Variants in PCDHA3 observed in about 807,000 individuals in gnomAD.
PCDHA3 encodes protocadherin alpha-3.
A neutral mutation model predicts 62.2 loss-of-function variants in PCDHA3; 41 were observed. The ratio of observed to expected loss-of-function variants is 0.66; its 90% CI spans 0.51 to 0.86. PCDHA3 has a LOEUF of 0.86. Among genes scored for constraint, PCDHA3 ranks in the 40% least tolerant of loss-of-function variants. PCDHA3 has a pLI of 0.00. For synonymous variants in PCDHA3, 640 were observed against 555.4 expected, an observed-to-expected ratio of 1.15 and a Z score of -2.14; for missense variants, 1,304 against 1,241.2, an observed-to-expected ratio of 1.05 and a Z score of -0.76.
intron 1 of PCDHA3, among the ~76,000 whole-genome samples, chr5:140,935,731 T>C (rs923257790): frequency 2.6e-5 from 4 of 152,202 alleles, no homozygotes; most frequent in Non-Finnish European, 4.4e-5. Context: ...AGAAGTCTAG[T>C]ATCTATTATT....
intron 1 of PCDHA3, among the ~76,000 whole-genome samples, chr5:140,879,426 G>T (rs2057986144): frequency 6.6e-6 from 1 of 152,302 alleles, no homozygotes; most frequent in South Asian, 2.1e-4. Flanking sequence ...GAATGGAGAT[G>T]AACATTTAAG....
chr5:140,927,191 T>C, intron 1 of PCDHA3: 16 of 1,614,144 alleles, frequency 9.9e-6, no homozygotes, highest in Non-Finnish European at 1.4e-5. Context: ...TACGACCTGG[T>C]GCTCGAGGAC....
In PCDHA3 at chr5:140,803,372, G is replaced by A; in HGVS notation, c.2175G>A (p.Ala725=). The A allele has an allele frequency of 6.2e-7, 1 of 1,614,176 alleles. No homozygotes were observed. Among genetic ancestry groups the A allele is most frequent in the Non-Finnish European group, 8.5e-7 (1 of 1,180,014 alleles). The change falls in exon 1 of 4, where the codon GCG becomes GCA. Residue 725 remains alanine, a synonymous_variant. Transcript: ENST00000522353. ...TATATACTGCTCTGCGGTGCTCCGC[G>A]CCGCCAACCGAAGGCGACTGTGGGC... ...LLLYTALRCS[A]PPTEGDCGPG... is the part of the protein sequence containing the mutation.
intron 1 of PCDHA3, among the ~76,000 whole-genome samples, chr5:140,914,395 C>G (rs781878941): frequency 6.6e-6 from 1 of 152,082 alleles, no homozygotes; most frequent in African/African-American, 2.4e-5. Context: ...TGTAGTTACC[C>G]CTGCTCCTGT....
At position 140,808,704 on chromosome 5, in the gene PCDHA3, G is replaced by A. The variant is rs115774628; in HGVS notation, c.2394+5113G>A. On this transcript the variant is annotated intron_variant, in intron 1 of 3. Coordinates refer to ENST00000522353, the MANE Select transcript of PCDHA3 (RefSeq NM_018906.3). ...CGGGTAGGGGAGCGCGCGCTGTCGA[G>A]CTACGTTTCGGTGCATGCGGAGAGC... 1.5e-3 allele frequency: 2,450 copies of A among 1,612,186 alleles called. 38 individuals are homozygous for A. In the African/African-American group the frequency reaches 0.029, roughly 19 times the overall value.
At chr5:140,858,742 T>A in intron 1 of PCDHA3, 1 of 467,252 alleles carries the variant, frequency 2.1e-6, no homozygotes, top group African/African-American at 2.0e-5. Flanking sequence ...ACTTTCATAA[T>A]CACTTTTCGT....
At chr5:140,896,894 T>A (rs1317627647) in intron 1 of PCDHA3, among the ~76,000 whole-genome samples, 6 of 152,208 alleles carry the variant, frequency 3.9e-5, no homozygotes, top group Admixed American at 2.0e-4. Context: ...TGAGACATTT[T>A]GATACAAGCA....
chr5:140,823,444 G>C, intron 1 of PCDHA3: 1 of 1,613,408 alleles, frequency 6.2e-7, no homozygotes. Context: ...CGTGCTGGAC[G>C]AGAACGACAA....
chr5:140,858,711 A>T, intron 1 of PCDHA3: 1 of 537,382 alleles, frequency 1.9e-6, no homozygotes, highest in East Asian at 3.0e-5. Context: ...TATGTGATAT[A>T]GGTTGCAGTT....
intron 1 of PCDHA3, among the ~76,000 whole-genome samples, chr5:140,977,977 C>T (rs193229659): frequency 2.0e-5 from 3 of 152,222 alleles, no homozygotes; most frequent in South Asian, 2.1e-4. Context: ...CCCATGAAAA[C>T]GCATCTAGAG....
At chr5:140,929,349 A>G in intron 1 of PCDHA3, 1 of 1,530,382 alleles carries the variant, frequency 6.5e-7, no homozygotes, top group Non-Finnish European at 8.8e-7. Context: ...ATGGAATTTG[A>G]TTCCTTTGGC....
In PCDHA3 at chr5:140,836,730, A is replaced by G. The variant is rs2150268726; in HGVS notation, c.2394+33139A>G. 6.2e-6 allele frequency: 10 copies of G among 1,610,112 alleles called. No individual in the cohort carries two copies. In the African/African-American group the frequency reaches 1.1e-4, roughly 17 times the overall value. On this transcript the variant is annotated intron_variant, in intron 1 of 3. Transcript: ENST00000522353. The stretch of plus-strand genomic sequence containing the variant: ...CAGCCTTCCTCAGGGTCCATCCTCT[A>G]CAGACAATGTGAGTCATAAATAATC...
rs532781317 is a variant in PCDHA3, at chr5:140,854,917, G to A, written c.2394+51326G>A. 4.6e-4 allele frequency among the ~76,000 whole-genome samples: 69 copies of A among 149,868 alleles called. 3 individuals are homozygous for A. Among genetic ancestry groups the A allele is most frequent in the South Asian group, 2.8e-3 (13 of 4,714 alleles). ...AAGCGTAAATATAACAGGGTTGAAA[G>A]CATTTGCCTCTGAAAGCAGAAATAA... On this transcript the variant is annotated intron_variant, in intron 1 of 3. Transcript: ENST00000522353.
At chr5:140,828,891 C>G (rs189039710) in intron 1 of PCDHA3, 11 of 1,614,240 alleles carry the variant, frequency 6.8e-6, no homozygotes, top group Middle Eastern at 3.3e-4. Flanking sequence ...CTGAATGCTT[C>G]TGATCGGGAT....
intron 1 of PCDHA3, chr5:140,807,543 T>C (rs1763959735): frequency 6.2e-7 from 1 of 1,614,164 alleles, no homozygotes; most frequent in South Asian, 1.1e-5. Context: ...GTTTTCCATG[T>C]GGACGTGGAG....
At chr5:140,836,331 C>A (rs2150258002) in intron 1 of PCDHA3, 4 of 1,613,758 alleles carry the variant, frequency 2.5e-6, no homozygotes, top group South Asian at 1.1e-5. Flanking sequence ...CCTTCTGGTG[C>A]TTGTGAAGGA....
chr5:140,966,731 G>T, intron 1 of PCDHA3: 8 of 1,405,136 alleles, frequency 5.7e-6, no homozygotes, highest in Non-Finnish European at 7.4e-6. Context: ...TGCCGCCTCC[G>T]GCCCTGCCCG....
intron 1 of PCDHA3, among the ~76,000 whole-genome samples, chr5:140,893,800 T>C (rs1483033571): frequency 6.6e-6 from 1 of 152,174 alleles, no homozygotes; most frequent in Non-Finnish European, 1.5e-5. Flanking sequence ...ATTCCCTCCT[T>C]GTCTTGAGTC....
In PCDHA3 at chr5:140,808,721, G is replaced by A. The variant is rs1348144933; in HGVS notation, c.2394+5130G>A. 6.8e-6 allele frequency: 11 copies of A among 1,612,098 alleles called. No individual in the cohort carries two copies. In the African/African-American group the frequency reaches 1.3e-4, roughly 20 times the overall value. ...GCTGTCGAGCTACGTTTCGGTGCAT[G>A]CGGAGAGCGGCAAGGTGTACGCGCT... On this transcript the variant is annotated intron_variant, in intron 1 of 3. Transcript: ENST00000522353.
Sources: gnomAD v4.1 joint callset for allele counts (sites outside exome capture counted in the v4.1 genomes callset) on GRCh38, gnomAD v4.1.1 for gene constraint, MANE v1.5 for transcripts, NCBI Gene and HGNC (gene_info 2026-07-23, HGNC 2026-07-21) for gene names.